The following CNTN3 variants were observed in gnomAD, a reference collection of about 807,000 sequenced individuals.
CNTN3 encodes contactin 3.
CNTN3 carries 60 observed loss-of-function variants against 119.1 expected under a neutral mutation model. The observed-to-expected ratio is 0.50, with a 90% CI of 0.41 to 0.62. The LOEUF (loss-of-function observed/expected upper bound fraction) is 0.62, where lower values mean the gene tolerates loss of function less well. Among genes scored for constraint, CNTN3 ranks in the 20% least tolerant of loss-of-function variants. CNTN3 has a pLI of 0.00. For missense variants in CNTN3, 1,101 were observed against 1,242.4 expected, an observed-to-expected ratio of 0.89 and a Z score of 1.71; for synonymous variants, 450 against 438.7, an observed-to-expected ratio of 1.03 and a Z score of -0.32.
intron 13 of CNTN3, among the ~76,000 whole-genome samples, chr3:74,332,401 G>A (rs1189802789): frequency 6.6e-6 from 1 of 152,186 alleles, no homozygotes; most frequent in African/African-American, 2.4e-5. Flanking sequence ...GAACTAGCAT[G>A]GTAGAGAAAG....
At chr3:74,610,694 G>T (rs1705066471) in intron 1 of CNTN3, among the ~76,000 whole-genome samples, 1 of 152,044 alleles carries the variant, frequency 6.6e-6, no homozygotes, top group African/African-American at 2.4e-5. Flanking sequence ...AGGATGATTT[G>T]GGGGAAGAAG....
At chr3:74,336,283 A>G (rs1011410906) in intron 12 of CNTN3, among the ~76,000 whole-genome samples, 13 of 152,144 alleles carry the variant, frequency 8.5e-5, no homozygotes, top group Admixed American at 8.5e-4. Context: ...GATCATCAAC[A>G]TATGCTATTT....
At chr3:74,301,114 T>C (rs1702444264) in intron 16 of CNTN3, among the ~76,000 whole-genome samples, 1 of 152,178 alleles carries the variant, frequency 6.6e-6, no homozygotes, top group Non-Finnish European at 1.5e-5. Flanking sequence ...GGTAACTATG[T>C]CAGACAGTAA....
chr3:74,270,239 T>C (rs1575688088), intron 20 of CNTN3, among the ~76,000 whole-genome samples: 1 of 152,154 alleles, frequency 6.6e-6, no homozygotes, highest in East Asian at 1.9e-4. Flanking sequence ...GATATGGGAC[T>C]TCACCATAGG....
intron 5 of CNTN3, among the ~76,000 whole-genome samples, chr3:74,390,500 A>T (rs961558530): frequency 6.6e-6 from 1 of 152,056 alleles, no homozygotes; most frequent in Non-Finnish European, 1.5e-5. Context: ...GGGGGAAAAA[A>T]AAAATCAAGA....
At chr3:74,418,439 T>A (rs940911280) in intron 5 of CNTN3, among the ~76,000 whole-genome samples, 1 of 145,214 alleles carries the variant, frequency 6.9e-6, no homozygotes, top group African/African-American at 2.6e-5. Flanking sequence ...CCTCCCGGGT[T>A]CAAGCAATTC....
At chr3:74,453,940 C>T (rs1284728711) in intron 4 of CNTN3, among the ~76,000 whole-genome samples, 1 of 151,766 alleles carries the variant, frequency 6.6e-6, no homozygotes, top group Non-Finnish European at 1.5e-5. Context: ...AATATGTGGT[C>T]AATTTTGGAA....
chr3:74,561,040 G>C (rs139091793), intron 1 of CNTN3, among the ~76,000 whole-genome samples: 1 of 99,918 alleles, frequency 1.0e-5, no homozygotes, highest in Non-Finnish European at 1.9e-5. Flanking sequence ...ATGGGGGGAG[G>C]GGGGAGGGAT....
chr3:74,488,761 T>C (rs1028237067), intron 3 of CNTN3, among the ~76,000 whole-genome samples: 1 of 152,224 alleles, frequency 6.6e-6, no homozygotes, highest in Admixed American at 6.5e-5. Context: ...CCAAATGAAA[T>C]TAAGAGAATA....
At chr3:74,267,139 G>C (rs1179714351) in intron 21 of CNTN3, 127 bp downstream of exon 21, 1 of 583,670 alleles carries the variant, frequency 1.7e-6, no homozygotes, top group African/African-American at 1.9e-5. Context: ...TGGAAAGCTT[G>C]GTATCTTTGT....
At chr3:74,351,416 C>T (rs1703811146) in intron 11 of CNTN3, among the ~76,000 whole-genome samples, 1 of 152,146 alleles carries the variant, frequency 6.6e-6, no homozygotes, top group Non-Finnish European at 1.5e-5. Flanking sequence ...TTTAAGGATT[C>T]CTGGCCTCAT....
At chr3:74,323,115 A>C (rs577267468) in intron 13 of CNTN3, among the ~76,000 whole-genome samples, 27 of 152,276 alleles carry the variant, frequency 1.8e-4, no homozygotes, top group African/African-American at 6.5e-4. Flanking sequence ...AAGATGAAGA[A>C]TGAACTCCAA....
intron 11 of CNTN3, among the ~76,000 whole-genome samples, chr3:74,347,895 A>G (rs1438057074): frequency 1.3e-5 from 2 of 152,238 alleles, no homozygotes; most frequent in African/African-American, 4.8e-5. Context: ...AGATCCTGCT[A>G]TTTGTCACAA....
intron 11 of CNTN3, among the ~76,000 whole-genome samples, chr3:74,350,369 T>A (rs889564966): frequency 2.6e-5 from 4 of 152,164 alleles, no homozygotes; most frequent in Non-Finnish European, 5.9e-5. Flanking sequence ...AAAACCACAA[T>A]GAGATACCAT....
At chr3:74,597,305 A>C (rs1490772827) in intron 1 of CNTN3, among the ~76,000 whole-genome samples, 1 of 152,028 alleles carries the variant, frequency 6.6e-6, no homozygotes, top group Non-Finnish European at 1.5e-5. Context: ...CACATGATTT[A>C]ATGGATGTAA....
chr3:74,294,569 C>T (rs1295091365), intron 19 of CNTN3, among the ~76,000 whole-genome samples: 1 of 152,170 alleles, frequency 6.6e-6, no homozygotes, highest in Non-Finnish European at 1.5e-5. Context: ...TCCTTCTTGA[C>T]AACACAAACA....
intron 19 of CNTN3, among the ~76,000 whole-genome samples, chr3:74,288,361 G>A (rs1355672045): frequency 6.6e-6 from 1 of 151,822 alleles, no homozygotes; most frequent in African/African-American, 2.4e-5. Flanking sequence ...GTCTCACCAT[G>A]TTGGCCATCC....
At chr3:74,414,666 A>C (rs974627295) in intron 5 of CNTN3, among the ~76,000 whole-genome samples, 2 of 152,136 alleles carry the variant, frequency 1.3e-5, no homozygotes, top group African/African-American at 4.8e-5. Context: ...CCTATGACCA[A>C]AAACACTTGA....
intron 4 of CNTN3, among the ~76,000 whole-genome samples, chr3:74,483,320 G>A (rs1362245506): frequency 6.6e-6 from 1 of 152,048 alleles, no homozygotes; most frequent in East Asian, 1.9e-4. Context: ...CTCACCTTAT[G>A]TATCCTCATA....
Sources: gnomAD v4.1 joint callset for allele counts (sites outside exome capture counted in the v4.1 genomes callset) on GRCh38, gnomAD v4.1.1 for gene constraint, MANE v1.5 for transcripts, NCBI Gene and HGNC (gene_info 2026-07-23, HGNC 2026-07-21) for gene names.